PAX5: variants seen among roughly 807,000 people sequenced by gnomAD.
PAX5 encodes the protein paired box protein Pax-5.
Under a neutral mutation model 43.7 loss-of-function variants are expected in PAX5, and 9 were observed. That is an observed-to-expected ratio of 0.21 (90% CI 0.12 to 0.36). The LOEUF is 0.36. Among genes scored for constraint, PAX5 ranks in the 10% least tolerant of loss-of-function variants. The probability of loss-of-function intolerance (pLI) is 1.00; values close to 1 mark genes in which losing one functional copy is unlikely to be tolerated. For synonymous variants in PAX5, 228 were observed against 214.3 expected, an observed-to-expected ratio of 1.06 and a Z score of -0.56; for missense variants, 383 against 532.7, an observed-to-expected ratio of 0.72 and a Z score of 2.77.
chr9:36,929,277 G>GGAAGGAAGGAAGGAAGGAAGGAAC (rs1437518330), intron 6 of PAX5, among the ~76,000 whole-genome samples: 24 of 150,108 alleles, frequency 1.6e-4, no homozygotes, highest in African/African-American at 5.7e-4. Context: ...AAGGAAGGAA[G>GGAAGGAAGGAAGGAAGGAAGGAAC]GAAGGAAGGA....
intron 1 of PAX5, among the ~76,000 whole-genome samples, chr9:37,025,422 T>TG (rs1057029816): frequency 1.7e-5 from 2 of 120,034 alleles, no homozygotes; most frequent in South Asian, 3.1e-4. Flanking sequence ...GCTGTTGGGA[T>TG]GGGGGGGAGC....
At chr9:36,885,879 A>G (rs1028049387) in intron 7 of PAX5, among the ~76,000 whole-genome samples, 1 of 152,202 alleles carries the variant, frequency 6.6e-6, no homozygotes, top group Admixed American at 6.5e-5. Context: ...AAATAAATTC[A>G]GTTTTATGAA....
chr9:36,937,153 G>A (rs954004319), intron 6 of PAX5, among the ~76,000 whole-genome samples: 4 of 152,126 alleles, frequency 2.6e-5, no homozygotes, highest in African/African-American at 7.2e-5. Context: ...ACTAAGAGGC[G>A]GAATAACTTG....
In PAX5 at chr9:36,945,695, G is replaced by T. The variant is rs570545779; in HGVS notation, c.780+20854C>A. On this transcript the variant is annotated intron_variant, in intron 6 of 9. Coordinates refer to ENST00000358127, the MANE Select transcript of PAX5 (RefSeq NM_016734.3). ...CCACAGCCATTGTTTCTGGCAAATT[G>T]GATCAGCCGGTCCAATTGTTTGGGC... 6.1e-4 allele frequency among the ~76,000 whole-genome samples: 93 copies of T among 152,332 alleles called. 3 individuals carry two copies. The South Asian group carries it at 0.019, about 31-fold the overall frequency.
intron 5 of PAX5, among the ~76,000 whole-genome samples, chr9:36,976,522 G>C (rs1169516087): frequency 6.6e-6 from 1 of 152,116 alleles, no homozygotes; most frequent in African/African-American, 2.4e-5. Context: ...TAGGGATGAG[G>C]GTGGCCAGGC....
intron 8 of PAX5, among the ~76,000 whole-genome samples, chr9:36,859,606 C>A (rs1824002048): frequency 6.6e-6 from 1 of 152,296 alleles, no homozygotes; most frequent in South Asian, 2.1e-4. Context: ...GGCTCCTCAC[C>A]CTTCCTCACT....
At chr9:36,890,714 C>T (rs1204014546) in intron 7 of PAX5, among the ~76,000 whole-genome samples, 1 of 152,188 alleles carries the variant, frequency 6.6e-6, no homozygotes, top group Admixed American at 6.5e-5. Context: ...TGCCTGCTCG[C>T]TGTGGCCTCC....
At chr9:36,849,072 G>A (rs77335591) in intron 8 of PAX5, among the ~76,000 whole-genome samples, 4,777 of 152,168 alleles carry the variant, frequency 0.031, 264 homozygotes, top group African/African-American at 0.11. Flanking sequence ...CCAGTCTCCC[G>A]TGTGGTTCTG....
chr9:36,991,845 TCTGC>T (rs10573342), intron 5 of PAX5, among the ~76,000 whole-genome samples: 70,248 of 151,748 alleles, frequency 0.46, 16,623 homozygotes, highest in East Asian at 0.67. Flanking sequence ...TGCCTTTCTT[TCTGC>T]CTATTTCCTC....
chr9:37,000,969 T>C (rs1837797247), intron 5 of PAX5, among the ~76,000 whole-genome samples: 1 of 152,214 alleles, frequency 6.6e-6, no homozygotes, highest in Non-Finnish European at 1.5e-5. Context: ...AGATGCTGTA[T>C]CAGATCCCTC....
At chr9:36,863,865 C>A (rs569191083) in intron 8 of PAX5, among the ~76,000 whole-genome samples, 48 of 152,308 alleles carry the variant, frequency 3.2e-4, no homozygotes, top group African/African-American at 1.1e-3. Flanking sequence ...AATCCCAGTA[C>A]TTTGGGAGGC....
chr9:37,016,233 T>C (rs1588236357), intron 2 of PAX5, among the ~76,000 whole-genome samples: 1 of 152,334 alleles, frequency 6.6e-6, no homozygotes, highest in African/African-American at 2.4e-5. Flanking sequence ...TCCCAAGCCC[T>C]AGCACAATCT....
chr9:36,881,900 C>T (rs1826450987), intron 8 of PAX5, 104 bp downstream of exon 8: 1 of 861,990 alleles, frequency 1.2e-6, no homozygotes, highest in Admixed American at 2.0e-5. Context: ...TTCAGGTCCG[C>T]TTCTCAGAAG....
chr9:37,032,754 C>T (rs1012029790), intron 1 of PAX5, among the ~76,000 whole-genome samples: 1 of 152,130 alleles, frequency 6.6e-6, no homozygotes, highest in Non-Finnish European at 1.5e-5. Context: ...GTGAAAGAGG[C>T]CCCCCATACC....
intron 5 of PAX5, among the ~76,000 whole-genome samples, chr9:36,991,361 A>G (rs975247186): frequency 6.6e-6 from 1 of 152,066 alleles, no homozygotes; most frequent in Non-Finnish European, 1.5e-5. Context: ...AGCCCAAAAG[A>G]ACCTCAAAAA....
chr9:37,026,576 C>A (rs1183498550), intron 1 of PAX5: 2 of 1,344,284 alleles, frequency 1.5e-6, no homozygotes, highest in East Asian at 3.8e-5. Flanking sequence ...GTATTTCCAT[C>A]GGGGCGCTCC....
chr9:36,936,850 GCACACACA>G (rs3059895), intron 6 of PAX5, among the ~76,000 whole-genome samples: 3 of 145,944 alleles, frequency 2.1e-5, no homozygotes, highest in Non-Finnish European at 4.5e-5. Flanking sequence ...ACACACACAT[GCACACACA>G]CACACACACA....
chr9:36,891,813 C>T (rs1827412820), intron 7 of PAX5, among the ~76,000 whole-genome samples: 1 of 152,162 alleles, frequency 6.6e-6, no homozygotes. Flanking sequence ...TTCTAATTGC[C>T]CTGGCTAAAG....
chr9:36,974,366 A>G (rs1775116777), intron 5 of PAX5, among the ~76,000 whole-genome samples: 1 of 152,212 alleles, frequency 6.6e-6, no homozygotes, highest in Admixed American at 6.5e-5. Flanking sequence ...CACCCCGGAT[A>G]GAGCGCTGTT....
Sources: allele counts gnomAD v4.1 joint callset (sites outside exome capture counted in the v4.1 genomes callset), GRCh38; gene constraint gnomAD v4.1.1; transcripts MANE v1.5; gene names NCBI Gene and HGNC (gene_info 2026-07-23, HGNC 2026-07-21).